Variants in RBFOX1 observed in about 807,000 individuals in gnomAD.
RBFOX1 encodes RNA binding protein fox-1 homolog 1.
A neutral mutation model predicts 57.7 loss-of-function variants in RBFOX1; 8 were observed. That is an observed-to-expected ratio of 0.14 (90% CI 0.08 to 0.25). The LOEUF (loss-of-function observed/expected upper bound fraction) is 0.25, where lower values mean the gene tolerates loss of function less well. Among genes scored for constraint, RBFOX1 ranks in the 10% least tolerant of loss-of-function variants. The pLI is 1.00. For synonymous variants in RBFOX1, 326 were observed against 222.4 expected (o/e 1.47, Z -4.15); for missense variants, 611 against 548.5 (o/e 1.11, Z -1.14).
At chr16:6,557,016 CATATATAT>C (rs879560424) in intron 2 of RBFOX1, among the ~76,000 whole-genome samples, 5 of 144,048 alleles carry the variant, frequency 3.5e-5, no homozygotes, top group Non-Finnish European at 6.0e-5. Flanking sequence ...CATATATATA[CATATATAT>C]ACATATATAC....
intron 1 of RBFOX1, among the ~76,000 whole-genome samples, chr16:5,456,701 G>A (rs79367065): frequency 0.026 from 3,977 of 152,126 alleles, 146 homozygotes; most frequent in East Asian, 0.092. Context: ...CTCTTCTCTT[G>A]ATTTCTTTAA....
At chr16:6,853,222 A>G (rs774346751) in intron 3 of RBFOX1, among the ~76,000 whole-genome samples, 6 of 152,182 alleles carry the variant, frequency 3.9e-5, no homozygotes, top group South Asian at 2.1e-4. Flanking sequence ...TTTTGTGAGC[A>G]TTAATGATAG....
chr16:5,467,679 T>C (rs2068995553), intron 2 of RBFOX1, among the ~76,000 whole-genome samples: 1 of 152,162 alleles, frequency 6.6e-6, no homozygotes, highest in Non-Finnish European at 1.5e-5. Flanking sequence ...ACCAAACAGA[T>C]CTATACCTTA....
chr16:7,277,660 C>T (rs1293016601), intron 4 of RBFOX1, among the ~76,000 whole-genome samples: 1 of 151,970 alleles, frequency 6.6e-6, no homozygotes. Flanking sequence ...GCCCAAGAAG[C>T]TTGAGAGAAG....
At chr16:5,493,228 T>C (rs2042892520) in intron 2 of RBFOX1, among the ~76,000 whole-genome samples, 1 of 152,236 alleles carries the variant, frequency 6.6e-6, no homozygotes, top group Admixed American at 6.5e-5. Context: ...CTTATTTTCA[T>C]TTTTGTTATT....
intron 3 of RBFOX1, among the ~76,000 whole-genome samples, chr16:6,914,621 C>T (rs147889812): frequency 3.8e-4 from 57 of 151,910 alleles, no homozygotes; most frequent in East Asian, 1.4e-3. Context: ...CGCCTCTAAT[C>T]GCAGCACTTT....
chr16:6,798,231 G>A (rs1195169828), intron 3 of RBFOX1, among the ~76,000 whole-genome samples: 1 of 152,108 alleles, frequency 6.6e-6, no homozygotes, highest in Non-Finnish European at 1.5e-5. Flanking sequence ...AATCACTGGG[G>A]ATACTAGTCC....
chr16:7,222,367 T>G (rs2092794254), intron 4 of RBFOX1, among the ~76,000 whole-genome samples: 2 of 152,232 alleles, frequency 1.3e-5, no homozygotes, highest in African/African-American at 4.8e-5. Flanking sequence ...CAGTTCCAAT[T>G]ATGAATACAT....
chr16:6,550,672 G>A (rs995121536), intron 2 of RBFOX1, among the ~76,000 whole-genome samples: 1 of 152,134 alleles, frequency 6.6e-6, no homozygotes, highest in African/African-American at 2.4e-5. Context: ...GCTTTTTCCA[G>A]CATGAGCCAA....
intron 4 of RBFOX1, among the ~76,000 whole-genome samples, chr16:7,443,808 G>T (rs891301134): frequency 6.6e-6 from 1 of 152,182 alleles, no homozygotes; most frequent in East Asian, 1.9e-4. Flanking sequence ...CAAAACCGAA[G>T]TACAGACAGA....
At chr16:5,370,825 C>G (rs954256561) in intron 1 of RBFOX1, among the ~76,000 whole-genome samples, 1 of 151,948 alleles carries the variant, frequency 6.6e-6, no homozygotes, top group African/African-American at 2.4e-5. Context: ...ATCAGCAGTT[C>G]CACCCACCAT....
At chr16:6,791,669 G>C (rs2082976911) in intron 3 of RBFOX1, among the ~76,000 whole-genome samples, 1 of 152,146 alleles carries the variant, frequency 6.6e-6, no homozygotes, top group African/African-American at 2.4e-5. Flanking sequence ...TGAGGCAGGA[G>C]AATTGCTTGA....
chr16:7,389,930 T>G (rs904571123), intron 4 of RBFOX1, among the ~76,000 whole-genome samples: 26 of 152,162 alleles, frequency 1.7e-4, no homozygotes, highest in African/African-American at 6.3e-4. Context: ...AAGAGATACC[T>G]GAGTCTGGGT....
At chr16:6,933,635 C>A (rs1381423890) in intron 3 of RBFOX1, among the ~76,000 whole-genome samples, 1 of 152,198 alleles carries the variant, frequency 6.6e-6, no homozygotes, top group Non-Finnish European at 1.5e-5. Context: ...ATTACTTGAA[C>A]CTGGGAGGGA....
chr16:7,629,761 A>G (rs1446527152), intron 10 of RBFOX1, among the ~76,000 whole-genome samples: 1 of 152,214 alleles, frequency 6.6e-6, no homozygotes, highest in African/African-American at 2.4e-5. Context: ...TCCACCTTGC[A>G]AGGATGAACC....
chr16:7,070,517 A>T (rs2057109777), intron 4 of RBFOX1, among the ~76,000 whole-genome samples: 1 of 152,198 alleles, frequency 6.6e-6, no homozygotes, highest in South Asian at 2.1e-4. Flanking sequence ...GTGTCTTGAC[A>T]TCTTTACGCC....
intron 2 of RBFOX1, among the ~76,000 whole-genome samples, chr16:6,375,335 C>A (rs1248059701): frequency 6.6e-6 from 1 of 151,654 alleles, no homozygotes; most frequent in African/African-American, 2.4e-5. Context: ...TGTGTCATTT[C>A]TCTTTTAACA....
chr16:6,343,882 C>G (rs2084933193), intron 2 of RBFOX1, among the ~76,000 whole-genome samples: 1 of 152,180 alleles, frequency 6.6e-6, no homozygotes. Flanking sequence ...TCACCATCCC[C>G]TGAGAATTAA....
intron 1 of RBFOX1, among the ~76,000 whole-genome samples, chr16:5,458,397 A>G (rs141556386): frequency 7.0e-4 from 106 of 152,312 alleles, no homozygotes; most frequent in African/African-American, 2.4e-3. Flanking sequence ...GCACCATAGC[A>G]CAGCGAGAGT....
Sources: allele counts gnomAD v4.1 joint callset (sites outside exome capture counted in the v4.1 genomes callset), GRCh38; gene constraint gnomAD v4.1.1; transcripts MANE v1.5; gene names NCBI Gene and HGNC (gene_info 2026-07-23, HGNC 2026-07-21).